Variants in BMAL2 observed in about 807,000 individuals in gnomAD.
BMAL2 encodes the protein basic helix-loop-helix ARNT-like protein 2.
At chr12:27,357,046 G>T in the BMAL2 span, among the ~76,000 whole-genome samples, 1 of 151,994 alleles carries the variant, frequency 6.6e-6, no homozygotes, top group East Asian at 1.9e-4. Context: ...AGAATAATTG[G>T]CTCCAATTCC....
the BMAL2 span, chr12:27,403,557 T>A: frequency 8.1e-5 from 118 of 1,460,568 alleles, no homozygotes; most frequent in African/African-American, 1.5e-3. Context: ...GTTTTATTGC[T>A]GCAAATATTT....
the BMAL2 span, chr12:27,387,097 C>G: frequency 8.0e-6 from 5 of 622,020 alleles, no homozygotes; most frequent in African/African-American, 1.9e-5. Flanking sequence ...ATTAATTTTA[C>G]TAGCTCCATG....
At chr12:27,369,457 C>G in the BMAL2 span, among the ~76,000 whole-genome samples, 5 of 152,170 alleles carry the variant, frequency 3.3e-5, no homozygotes, top group Non-Finnish European at 7.4e-5. Context: ...GGAAGGTTTT[C>G]TACTGTTTTT....
chr12:27,398,481 C>G, the BMAL2 span, among the ~76,000 whole-genome samples: 1 of 152,078 alleles, frequency 6.6e-6, no homozygotes, highest in Non-Finnish European at 1.5e-5. Flanking sequence ...TAACCCACTT[C>G]CCATTTGCCC....
chr12:27,365,666 T>C, the BMAL2 span, among the ~76,000 whole-genome samples: 5 of 151,880 alleles, frequency 3.3e-5, no homozygotes, highest in Non-Finnish European at 7.4e-5. Context: ...AGCATGATTT[T>C]TAATGGTATT....
chr12:27,367,588 C>T, the BMAL2 span, among the ~76,000 whole-genome samples: 1 of 152,060 alleles, frequency 6.6e-6, no homozygotes. Context: ...CCCTTCCTTT[C>T]TATTTTTCTG....
At chr12:27,333,273 C>T in the BMAL2 span, 3 of 652,000 alleles carry the variant, frequency 4.6e-6, no homozygotes, top group African/African-American at 1.9e-5. Context: ...AAGGCCGCCC[C>T]GTGGGGCACA....
chr12:27,392,541 A>G, the BMAL2 span, among the ~76,000 whole-genome samples: 1 of 132,164 alleles, frequency 7.6e-6, no homozygotes, highest in Admixed American at 7.1e-5. Context: ...TGGGTGATCC[A>G]AGGAGTCAGA....
chr12:27,388,567 G>T, the BMAL2 span, among the ~76,000 whole-genome samples: 1 of 151,990 alleles, frequency 6.6e-6, no homozygotes, highest in African/African-American at 2.4e-5. Context: ...TTCAACCTGG[G>T]AGAAGGGAGT....
At chr12:27,423,550 C>T in the BMAL2 span, 511 of 152,102 alleles carry the variant, frequency 3.4e-3, 3 homozygotes, top group African/African-American at 0.011. Flanking sequence ...AGGATGGTCT[C>T]GATCTCCTGA....
the BMAL2 span, among the ~76,000 whole-genome samples, chr12:27,371,216 C>G: frequency 3.4e-3 from 521 of 152,230 alleles, 1 homozygote; most frequent in African/African-American, 0.012. Context: ...GGTATGATGG[C>G]GTATGCCTGT....
chr12:27,388,999 T>C, the BMAL2 span, among the ~76,000 whole-genome samples: 1 of 152,340 alleles, frequency 6.6e-6, no homozygotes, highest in African/African-American at 2.4e-5. Context: ...CATGTATTTT[T>C]TTCTGTCTAC....
At chr12:27,377,000 CAAAAA>C in the BMAL2 span, among the ~76,000 whole-genome samples, 40,600 of 91,768 alleles carry the variant, frequency 0.44, 6,661 homozygotes, top group Middle Eastern at 0.54. Context: ...AACTCCGTCT[CAAAAA>C]AAAAAAAAAA....
At chr12:27,407,968 C>T in the BMAL2 span, among the ~76,000 whole-genome samples, 1 of 152,182 alleles carries the variant, frequency 6.6e-6, no homozygotes, top group African/African-American at 2.4e-5. Flanking sequence ...ATAAACACCT[C>T]TACGCAAATA....
At chr12:27,390,275 G>C in the BMAL2 span, 1 of 1,597,400 alleles carries the variant, frequency 6.3e-7, no homozygotes, top group Non-Finnish European at 8.6e-7. Flanking sequence ...GCAAAGCATG[G>C]CTATAAAATT....
At chr12:27,397,777 G>A in the BMAL2 span, among the ~76,000 whole-genome samples, 138,214 of 152,302 alleles carry the variant, frequency 0.91, 62,835 homozygotes, top group East Asian at 1. Context: ...TGAAGGATGG[G>A]TGACTGCTAC....
At chr12:27,352,102 A>G in the BMAL2 span, among the ~76,000 whole-genome samples, 7 of 152,168 alleles carry the variant, frequency 4.6e-5, no homozygotes, top group African/African-American at 1.7e-4. Flanking sequence ...CATTTTTATT[A>G]AATTCTTTGT....
At chr12:27,391,924 A>C in the BMAL2 span, among the ~76,000 whole-genome samples, 1 of 152,318 alleles carries the variant, frequency 6.6e-6, no homozygotes, top group Admixed American at 6.5e-5. Flanking sequence ...CTGGGCTTGA[A>C]GTCACAGCCG....
At chr12:27,358,138 C>T in the BMAL2 span, among the ~76,000 whole-genome samples, 4 of 151,866 alleles carry the variant, frequency 2.6e-5, no homozygotes, top group South Asian at 4.2e-4. Context: ...AGAAAATCTT[C>T]GCTATCTATA....
Sources: allele counts gnomAD v4.1 joint callset (sites outside exome capture counted in the v4.1 genomes callset), GRCh38; gene constraint gnomAD v4.1.1; transcripts MANE v1.5; gene names NCBI Gene and HGNC (gene_info 2026-07-23, HGNC 2026-07-21).